CYRIB: variants seen among roughly 807,000 people sequenced by gnomAD.
CYRIB encodes CYFIP related Rac1 interactor B, also known as CYFIP-related Rac1 interactor B.
A neutral mutation model predicts 44.2 loss-of-function variants in CYRIB; 8 were observed. That is an observed-to-expected ratio of 0.18 (90% confidence interval 0.11 to 0.33). CYRIB has a LOEUF of 0.33. Ranked by LOEUF, CYRIB falls within the 10% of genes least tolerant of loss-of-function variation. The pLI is 1.00. For synonymous variants in CYRIB, 131 were observed against 127.2 expected (o/e 1.03, Z -0.20); for missense variants, 185 against 382.8 (o/e 0.48, Z 4.31).
chr8:129,940,219 C>T (rs2093576561), upstream of CYRIB, among the ~76,000 whole-genome samples: 10 of 152,058 alleles, frequency 6.6e-5, no homozygotes. Context: ...CCTCGGGACT[C>T]GATGCTGAGC....
chr8:129,866,044 T>C (rs2053361778), intron 4 of CYRIB, among the ~76,000 whole-genome samples: 1 of 152,176 alleles, frequency 6.6e-6, no homozygotes, highest in Admixed American at 6.5e-5. Context: ...GCCAACCCAC[T>C]CTGTCCACAC....
intron 1 of CYRIB, among the ~76,000 whole-genome samples, chr8:129,913,998 T>C (rs1205050568): frequency 6.6e-6 from 1 of 152,200 alleles, no homozygotes; most frequent in Non-Finnish European, 1.5e-5. Context: ...TTCTCCAATT[T>C]TTTATATCCT....
intron 1 of CYRIB, among the ~76,000 whole-genome samples, chr8:129,977,698 AT>A (rs1195101680): frequency 4.5e-4 from 69 of 151,864 alleles, no homozygotes; most frequent in Non-Finnish European, 4.6e-4. Flanking sequence ...CGCCCGGCTA[AT>A]TTTTTTGTAT....
chr8:130,016,701 G>T (rs2097356778), upstream of CYRIB: 1 of 148,942 alleles, frequency 6.7e-6, no homozygotes, highest in Non-Finnish European at 1.5e-5. Flanking sequence ...GCATCGCGGG[G>T]CCCCGGCGTC....
intron 2 of CYRIB, among the ~76,000 whole-genome samples, chr8:129,950,915 T>A (rs1289576331): frequency 6.6e-6 from 1 of 152,224 alleles, no homozygotes; most frequent in Non-Finnish European, 1.5e-5. Flanking sequence ...GCAGTACGAT[T>A]TTGAGCAAGT....
At chr8:130,001,780 C>G (rs2096915081) in intron 1 of CYRIB, among the ~76,000 whole-genome samples, 2 of 152,048 alleles carry the variant, frequency 1.3e-5, no homozygotes, top group Non-Finnish European at 2.9e-5. Flanking sequence ...GCACCCGGCC[C>G]TGAAAATAAT....
upstream of CYRIB, among the ~76,000 whole-genome samples, chr8:129,943,614 T>G (rs1271951867): frequency 2.1e-3 from 2 of 968 alleles, no homozygotes; most frequent in Non-Finnish European, 0.015. Flanking sequence ...TTTTTTTTTT[T>G]TGAGACAGGA....
intron 7 of CYRIB, among the ~76,000 whole-genome samples, chr8:129,853,125 T>C (rs1391920451): frequency 2.0e-5 from 3 of 152,150 alleles, no homozygotes; most frequent in African/African-American, 7.2e-5. Flanking sequence ...ATTTCAGAGA[T>C]ATTTCACTTG....
intron 4 of CYRIB, 40 bp downstream of exon 6, chr8:129,871,335 T>C (rs753346976): frequency 3.2e-6 from 5 of 1,579,952 alleles, no homozygotes; most frequent in Non-Finnish European, 4.3e-6. Context: ...GGTGGGACAG[T>C]AAGTTTCAGT....
At chr8:129,874,671 C>A (rs1013056341) in intron 3 of CYRIB, among the ~76,000 whole-genome samples, 10 of 152,020 alleles carry the variant, frequency 6.6e-5, no homozygotes, top group African/African-American at 2.2e-4. Context: ...AAGCCTCTGG[C>A]ATGAATTAAA....
chr8:129,959,873 A>C (rs967886284), intron 2 of CYRIB, among the ~76,000 whole-genome samples: 1 of 152,190 alleles, frequency 6.6e-6, no homozygotes, highest in East Asian at 1.9e-4. Flanking sequence ...AAGTTCAGGA[A>C]GTTTGTTCAG....
At chr8:129,930,255 T>G (rs1371738611) in intron 1 of CYRIB, among the ~76,000 whole-genome samples, 1 of 149,530 alleles carries the variant, frequency 6.7e-6, no homozygotes, top group African/African-American at 2.5e-5. Context: ...CATCTCTTAC[T>G]TATGAGACCC....
At chr8:129,948,017 T>C (rs568411954) in intron 2 of CYRIB, 1 of 152,330 alleles carries the variant, frequency 6.6e-6, no homozygotes, top group South Asian at 2.1e-4. Flanking sequence ...ATTTTTTCCC[T>C]CTGTGTTTGT....
At chr8:129,935,358 G>A (rs1332736117) in intron 1 of CYRIB, among the ~76,000 whole-genome samples, 1 of 152,180 alleles carries the variant, frequency 6.6e-6, no homozygotes, top group East Asian at 1.9e-4. Context: ...CGGACAGGGC[G>A]ACAGGGGGAA....
intron 1 of CYRIB, among the ~76,000 whole-genome samples, chr8:129,989,280 C>T (rs757624587): frequency 1.3e-5 from 2 of 152,074 alleles, no homozygotes; most frequent in East Asian, 1.9e-4. Context: ...GGTCTCTCAC[C>T]CTCTCTCCTA....
At chr8:129,931,922 T>C (rs544951266) in intron 1 of CYRIB, among the ~76,000 whole-genome samples, 1 of 152,156 alleles carries the variant, frequency 6.6e-6, no homozygotes, top group East Asian at 1.9e-4. Flanking sequence ...TCAGTATGCC[T>C]GGCACTTCTT....
rs150051209 is a variant in CYRIB at position 130,000,234 on chromosome 8, A to G, written c.-296+16136T>C. Among the ~76,000 whole-genome samples, 1,146 of 152,252 alleles carry G rather than the reference A, an allele frequency of 7.5e-3. 19 individuals are homozygous for G. The highest frequency in any genetic ancestry group is 0.026 in the African/African-American group (1,076 of 41,530). On this transcript the variant is annotated intron_variant, in intron 1 of 14. Transcript: ENST00000401979. ...GGACAAGAGAAAGGTGGGGTAAGGG[A>G]TAGAGACGGGGAAGACAATGAGCAA...
intron 1 of CYRIB, among the ~76,000 whole-genome samples, chr8:129,973,068 G>A (rs2095778924): frequency 6.6e-6 from 1 of 152,084 alleles, no homozygotes; most frequent in Admixed American, 6.6e-5. Context: ...CAAGCATTGT[G>A]GCCATGGAAA....
rs141574469 is a variant in CYRIB at position 129,896,232 on chromosome 8, G to A, written c.-11+7080C>T. Among the ~76,000 whole-genome samples, 6 of 152,240 alleles carry A rather than the reference G, an allele frequency of 3.9e-5. No homozygotes were observed. The East Asian group carries it at 1.2e-3, about 29-fold the overall frequency. On this transcript the variant is annotated intron_variant, in intron 2 of 11. Transcript: ENST00000519824. ...AAAGCAGCTTATTTATCCAAAAAGA[G>A]AATACCTAAACTAAGGGCATCCCAT...
Sources: allele counts gnomAD v4.1 joint callset (sites outside exome capture counted in the v4.1 genomes callset), GRCh38; gene constraint gnomAD v4.1.1; transcripts MANE v1.5; gene names NCBI Gene and HGNC (gene_info 2026-07-23, HGNC 2026-07-21).